The following SULT1C3 variants were observed in gnomAD, a reference collection of about 807,000 sequenced individuals.
SULT1C3 encodes the protein sulfotransferase 1C3.
In SULT1C3, 31 loss-of-function variants were observed where a neutral mutation model predicts 28.4. The ratio of observed to expected loss-of-function variants is 1.09; its 90% CI spans 0.82 to 1.47. SULT1C3 has a LOEUF of 1.47. Among genes scored for constraint, SULT1C3 ranks in the 40% most tolerant of loss-of-function variants. SULT1C3 has a pLI of 0.00. For synonymous variants in SULT1C3, 106 were observed against 92.2 expected (o/e 1.15, Z -0.86); for missense variants, 307 against 272.5 (o/e 1.13, Z -0.89).
chr2:108,247,371 G>C lies in SULT1C3; in HGVS notation c.172+5G>C. The C allele has an allele frequency of 1.3e-6, 2 of 1,528,400 alleles. No homozygotes were observed. The allele number at this position is 1,528,400 out of a possible 1,614,324, so 94.7% of individuals were successfully genotyped here. ...TGGCAACTTACCCAAAGTCAGGTAA[G>C]GGTAGCAAAACATAAAAATATTCAA... On this transcript the variant is annotated splice_donor_5th_base_variant and intron_variant, in intron 2 of 7. Transcript: ENST00000681802.
downstream of SULT1C3, among the ~76,000 whole-genome samples, chr2:108,261,434 G>C (rs1026131732): frequency 1.3e-5 from 2 of 152,094 alleles, no homozygotes; most frequent in African/African-American, 4.8e-5. Flanking sequence ...TTAATAAAGA[G>C]TCTCTGTTGC....
At chr2:108,250,590 A>G (rs945252800) in intron 2 of SULT1C3, among the ~76,000 whole-genome samples, 3 of 1,582 alleles carry the variant, frequency 1.9e-3, no homozygotes, top group African/African-American at 7.6e-3. Context: ...TTCATATAAA[A>G]ACTTGTACAC....
chr2:108,260,079 G>A (rs1366156764), intron 7 of SULT1C3, among the ~76,000 whole-genome samples: 1 of 152,146 alleles, frequency 6.6e-6, no homozygotes, highest in Admixed American at 6.6e-5. Flanking sequence ...GGCTGACAAG[G>A]TACAACAGTT....
Position 108,247,594 on chromosome 2 carries a change from G to A in SULT1C3, c.172+228G>A, listed in dbSNP as rs538475814. 1.1e-4 allele frequency among the ~76,000 whole-genome samples: 16 copies of A among 152,112 alleles called. No individual in the cohort carries two copies. The East Asian group carries it at 3.1e-3, about 29-fold the overall frequency. On this transcript the variant is annotated intron_variant, in intron 2 of 7. Coordinates refer to ENST00000681802, the MANE Select transcript of SULT1C3 (RefSeq NM_001320878.2). ...AGATTTCTAAATGCTTTGGTAGTAG[G>A]GCAGATAATGCTCCCATTCCAGAAC...
rs1321586256 is a variant in SULT1C3 at position 108,252,432 on chromosome 2, A to T, written c.240A>T (p.Arg80Ser). Residue 80 changes from arginine (R) to serine (S), a missense_variant, in exon 3 of 8, where the codon AGA becomes AGT. Physicochemically the swap from Arg to Ser is moderately radical, Grantham distance 110. Transcript: ENST00000681802. ...ATGGTGATGTGGAGAAATGCAAAAG[A>T]GCCCAGACTCTAGATAGACACGCTT... ...LNDGDVEKCK[R>S]AQTLDRHAFL... is the part of the protein sequence containing the mutation. 1.2e-6 allele frequency: 2 copies of T among 1,612,562 alleles called. No homozygotes were observed. Among genetic ancestry groups the T allele is most frequent in the South Asian group, 2.2e-5 (2 of 90,954 alleles).
At position 108,252,391 on chromosome 2, in the gene SULT1C3, G is replaced by C. The variant is rs1253743920; in HGVS notation, c.199G>C (p.Asp67His). 1 of 1,610,520 alleles carries C rather than the reference G, an allele frequency of 6.2e-7. No individual in the cohort carries two copies. Among genetic ancestry groups the C allele is most frequent in the South Asian group, 1.1e-5 (1 of 90,510 alleles). Reference protein sequence around the residue: ...SGTTWMHEILDMILNDGDVEK... With the variant: ...SGTTWMHEILHMILNDGDVEK... ...TACAACATGGATGCATGAAATTTTA[G>C]ACATGATTCTAAATGATGGTGATGT... Residue 67 changes from aspartate to histidine, a missense_variant, in exon 3 of 8, where the codon GAC (aspartate) becomes CAC (histidine). Coordinates refer to ENST00000681802, the MANE Select transcript of SULT1C3 (RefSeq NM_001320878.2).
intron 1 of SULT1C3, among the ~76,000 whole-genome samples, chr2:108,242,666 C>T (rs1348466380): frequency 6.6e-6 from 1 of 152,168 alleles, no homozygotes; most frequent in African/African-American, 2.4e-5. Flanking sequence ...CAGTATATAA[C>T]ACAATACATA....
chr2:108,265,277 C>T (rs77026744), downstream of SULT1C3: 111 of 1,613,788 alleles, frequency 6.9e-5, no homozygotes, highest in African/African-American at 1.4e-3. Flanking sequence ...TACTGTGGCC[C>T]AAAATGAAGA....
At chr2:108,253,702 A>G (rs776751676) in intron 4 of SULT1C3, among the ~76,000 whole-genome samples, 3 of 152,042 alleles carry the variant, frequency 2.0e-5, no homozygotes, top group South Asian at 2.1e-4. Flanking sequence ...CTGTGTTGCT[A>G]CAAATCAGAG....
chr2:108,263,544 T>C (rs190276551), downstream of SULT1C3, among the ~76,000 whole-genome samples: 38 of 152,334 alleles, frequency 2.5e-4, no homozygotes, highest in East Asian at 9.6e-4. Context: ...TGAGTGAGTG[T>C]CATTGTTATG....
downstream of SULT1C3, chr2:108,264,795 A>G: frequency 6.3e-7 from 1 of 1,577,850 alleles, no homozygotes; most frequent in Non-Finnish European, 8.6e-7. Flanking sequence ...ACCCAACATG[A>G]TTTGTTTGGT....
In SULT1C3 at chr2:108,258,774, G is replaced by A; in HGVS notation, c.567G>A (p.Trp189Ter). Reference protein sequence around the residue: ...GSWFDHVKGWWAAKDMHRILY... With the variant: ...GSWFDHVKGW ...GGTTTGACCATGTGAAAGGATGGTG[G>A]GCTGCAAAAGACATGCACCGGATCC... Residue 189 changes from tryptophan (W) to a stop codon, truncating the protein, a stop_gained, in exon 6 of 8, where the codon TGG (tryptophan) becomes TGA (stop). Transcript: ENST00000681802. LOFTEE classifies it high-confidence loss of function. The A allele has an allele frequency of 6.2e-7, 1 of 1,612,930 alleles. No homozygotes were observed. Among genetic ancestry groups the A allele is most frequent in the African/African-American group, 1.3e-5 (1 of 74,938 alleles).
downstream of SULT1C3, among the ~76,000 whole-genome samples, chr2:108,262,877 C>T (rs1183985042): frequency 6.6e-6 from 1 of 152,158 alleles, no homozygotes; most frequent in Non-Finnish European, 1.5e-5. Flanking sequence ...TAACTGGTTA[C>T]ATTCAGAGGG....
chr2:108,243,195 A>G (rs1013195767), intron 1 of SULT1C3, among the ~76,000 whole-genome samples: 1 of 152,210 alleles, frequency 6.6e-6, no homozygotes, highest in Non-Finnish European at 1.5e-5. Flanking sequence ...ACAGTGAAAG[A>G]CATCTGACCC....
chr2:108,258,911 G>T, intron 6 of SULT1C3, 55 bp from the exon 7 acceptor site: 1 of 1,081,818 alleles, frequency 9.2e-7, no homozygotes, highest in South Asian at 1.5e-5. Context: ...TCTTTAATTG[G>T]CCAAGTTCTT....
At chr2:108,259,276 A>G (rs1245277443) in intron 7 of SULT1C3, 130 bp downstream of exon 7, 16 of 198,910 alleles carry the variant, frequency 8.0e-5, no homozygotes, top group Admixed American at 5.2e-5. Context: ...TGCTCCCTTC[A>G]CCCTGCCTGT....
At position 108,252,267 on chromosome 2, in the gene SULT1C3, A is replaced by G. The variant is rs958741593; in HGVS notation, c.173-98A>G. On this transcript the variant is annotated intron_variant, in intron 2 of 7. Coordinates refer to ENST00000681802, the MANE Select transcript of SULT1C3 (RefSeq NM_001320878.2). ...GCCTTGGCAACATTGATCTAATTTT[A>G]AAGTGCTCTCATGTTGCTGTCTTTC... The G allele has an allele frequency of 5.0e-6, 6 of 1,195,096 alleles. No homozygotes were observed. In the African/African-American group the frequency reaches 9.3e-5, roughly 19 times the overall value. 74.0% of individuals were successfully genotyped at this position (1,195,096 alleles called of 1,614,324 possible).
In SULT1C3 at chr2:108,252,447, T is replaced by G. The variant is rs1269402457; in HGVS notation, c.255T>G (p.Asp85Glu). The G allele has an allele frequency of 1.2e-6, 2 of 1,612,508 alleles. No homozygotes were observed. The highest frequency in any genetic ancestry group is 1.7e-6 in the Non-Finnish European group (2 of 1,179,098). The change falls in exon 3 of 8, where the codon GAT (aspartate) becomes GAG (glutamate). Residue 85 changes from aspartate to glutamate, a missense_variant. Asp to Glu is a conservative substitution (Grantham distance 45). Transcript: ENST00000681802. ...VEKCKRAQTL[D>E]RHAFLELKFP... ...AATGCAAAAGAGCCCAGACTCTAGA[T>G]AGACACGCTTTCCTTGAACTGAAAT...
rs374294288 is a variant in SULT1C3, at chr2:108,253,343, A to G, written c.302-2A>G. Reference sequence around the variant, plus strand: ...CAAAGAATATAAATTGTTTCTTGCTAGATTTGGAGTTCGTTCTTGAAATGT... The same window carrying G: ...CAAAGAATATAAATTGTTTCTTGCTGGATTTGGAGTTCGTTCTTGAAATGT... On this transcript the variant is annotated splice_acceptor_variant, in intron 3 of 7. Coordinates refer to ENST00000681802, the MANE Select transcript of SULT1C3 (RefSeq NM_001320878.2). LOFTEE classifies it high-confidence loss of function. 4.0e-5 allele frequency: 60 copies of G among 1,516,518 alleles called. No homozygotes were observed. The highest frequency in any genetic ancestry group is 5.6e-5 in the African/African-American group (4 of 71,416). The allele number at this position is 1,516,518 out of a possible 1,614,324, so 93.9% of individuals were successfully genotyped here.
Sources: gnomAD v4.1 joint callset for allele counts (sites outside exome capture counted in the v4.1 genomes callset) on GRCh38, gnomAD v4.1.1 for gene constraint, MANE v1.5 for transcripts, NCBI Gene and HGNC (gene_info 2026-07-23, HGNC 2026-07-21) for gene names.